Variants in CCDC93 observed in about 807,000 individuals in gnomAD.
CCDC93 encodes coiled-coil domain-containing protein 93.
In CCDC93, 61 loss-of-function variants were observed where a neutral mutation model predicts 108.2. The observed-to-expected ratio is 0.56, with a 90% confidence interval of 0.46 to 0.70. The LOEUF is 0.70. Among genes scored for constraint, CCDC93 ranks in the 30% least tolerant of loss-of-function variants. CCDC93 has a pLI of 0.00. For synonymous variants in CCDC93, 276 were observed against 260.4 expected (o/e 1.06, Z -0.58); for missense variants, 685 against 764.2 (o/e 0.90, Z 1.22).
At chr2:117,978,899 T>C (rs891696262) in intron 7 of CCDC93, among the ~76,000 whole-genome samples, 2 of 152,110 alleles carry the variant, frequency 1.3e-5, no homozygotes, top group Non-Finnish European at 2.9e-5. Flanking sequence ...TCCCAGCTAC[T>C]TGGGAGGCTG....
Position 118,008,711 on chromosome 2 carries a change from C to A in CCDC93, c.43-53G>T, listed in dbSNP as rs770430206. 5.0e-4 allele frequency: 570 copies of A among 1,143,352 alleles called. 2 individuals are homozygous for A. The highest frequency in any genetic ancestry group is 3.9e-4 in the Middle Eastern group (2 of 5,118). The allele number at this position is 1,143,352 out of a possible 1,614,324, so 70.8% of individuals were successfully genotyped here. On this transcript the variant is annotated intron_variant, in intron 1 of 23. Transcript: ENST00000376300. ...GTAAAAGATATGCTGAATAAAGGAA[C>A]ACCAGGTATATCCCCTGATGCCACA...
At chr2:117,991,700 C>G (rs539250904) in intron 6 of CCDC93, among the ~76,000 whole-genome samples, 3 of 152,324 alleles carry the variant, frequency 2.0e-5, no homozygotes, top group Non-Finnish European at 4.4e-5. Flanking sequence ...CACAGCAGCT[C>G]CACACCTATT....
chr2:117,979,809 T>A (rs751471168), intron 7 of CCDC93, among the ~76,000 whole-genome samples: 2 of 152,208 alleles, frequency 1.3e-5, no homozygotes, highest in Admixed American at 6.5e-5. Flanking sequence ...ATCTATTGCA[T>A]CTTCTAGTAC....
intron 16 of CCDC93, 26 bp downstream of exon 16, chr2:117,946,785 C>T: frequency 6.4e-7 from 1 of 1,554,672 alleles, no homozygotes; most frequent in Non-Finnish European, 8.9e-7. Context: ...ACCTGAGAGT[C>T]TCAAGGACTA....
At chr2:117,988,131 A>G (rs1460370315) in intron 6 of CCDC93, among the ~76,000 whole-genome samples, 2 of 151,062 alleles carry the variant, frequency 1.3e-5, no homozygotes, top group East Asian at 3.9e-4. Context: ...TATATATATG[A>G]TATATGTATT....
chr2:117,937,219 G>A (rs1678553208), intron 20 of CCDC93, among the ~76,000 whole-genome samples: 1 of 152,200 alleles, frequency 6.6e-6, no homozygotes, highest in African/African-American at 2.4e-5. Context: ...GCTGCTGGGT[G>A]GCTGAGTGCC....
At chr2:117,947,843 G>A (rs556102749) in intron 15 of CCDC93, among the ~76,000 whole-genome samples, 222 of 152,244 alleles carry the variant, frequency 1.5e-3, no homozygotes, top group Middle Eastern at 3.4e-3. Flanking sequence ...ACAGGCGCCA[G>A]CCACCACGCC....
At chr2:117,946,697 G>T in intron 16 of CCDC93, 114 bp downstream of exon 16, 2 of 696,596 alleles carry the variant, frequency 2.9e-6, no homozygotes, top group South Asian at 1.7e-5. Context: ...AACAGTTGAG[G>T]AATGTCTATT....
chr2:117,974,771 T>C (rs1573503999), intron 10 of CCDC93, 79 bp downstream of exon 10: 2 of 1,047,810 alleles, frequency 1.9e-6, no homozygotes, highest in Non-Finnish European at 2.9e-6. Context: ...CCGGAGAAGG[T>C]GGGCTCTCTG....
chr2:117,931,565 C>A, intron 22 of CCDC93: 1 of 159,612 alleles, frequency 6.3e-6, no homozygotes. Context: ...CACAGGACAC[C>A]CCCACAGCAA....
At chr2:117,992,736 A>G (rs928240289) in intron 6 of CCDC93, among the ~76,000 whole-genome samples, 2 of 151,936 alleles carry the variant, frequency 1.3e-5, no homozygotes, top group African/African-American at 2.4e-5. Flanking sequence ...ACAACAACAA[A>G]CTACTACTTC....
At chr2:117,947,050 CT>C in intron 15 of CCDC93, among the ~76,000 whole-genome samples, 168 bp from the exon 16 acceptor site, 1 of 152,332 alleles carries the variant, frequency 6.6e-6, no homozygotes, top group East Asian at 1.9e-4. Flanking sequence ...TGGGAAAGTT[CT>C]TTTCAGGAGG....
chr2:117,954,838 G>A (rs188483660), intron 12 of CCDC93, among the ~76,000 whole-genome samples: 2 of 152,292 alleles, frequency 1.3e-5, no homozygotes, highest in Admixed American at 1.3e-4. Context: ...GTGTTCTCGT[G>A]ATAGTGAGTT....
chr2:117,927,753 AAAC>A (rs1678172498), intron 23 of CCDC93, among the ~76,000 whole-genome samples: 1 of 152,202 alleles, frequency 6.6e-6, no homozygotes, highest in Non-Finnish European at 1.5e-5. Context: ...GAATTGGAAA[AAAC>A]TACTTTAAAG....
At chr2:117,969,372 G>A (rs951992221) in intron 11 of CCDC93, among the ~76,000 whole-genome samples, 1 of 152,200 alleles carries the variant, frequency 6.6e-6, no homozygotes, top group Non-Finnish European at 1.5e-5. Flanking sequence ...TTCCCCAGTA[G>A]AGCCTCAGAT....
intron 23 of CCDC93, among the ~76,000 whole-genome samples, chr2:117,926,633 T>A (rs1018952738): frequency 1.3e-5 from 2 of 152,128 alleles, no homozygotes; most frequent in Non-Finnish European, 2.9e-5. Flanking sequence ...ATTAATAGCT[T>A]ACCAACCAAA....
chr2:117,950,925 G>T (rs1679035004), intron 13 of CCDC93: 1 of 985,286 alleles, frequency 1.0e-6, no homozygotes, highest in Admixed American at 6.2e-5. Flanking sequence ...AACGACGACT[G>T]CAGGAATGAT....
At chr2:117,924,426 G>A (rs1558765582) in intron 23 of CCDC93, among the ~76,000 whole-genome samples, 1 of 152,176 alleles carries the variant, frequency 6.6e-6, no homozygotes, top group Non-Finnish European at 1.5e-5. Flanking sequence ...ATGCAGAGAA[G>A]TCCTTAAAGG....
intron 23 of CCDC93, among the ~76,000 whole-genome samples, chr2:117,928,638 A>G (rs1455122160): frequency 1.3e-5 from 2 of 152,222 alleles, no homozygotes; most frequent in Non-Finnish European, 2.9e-5. Context: ...GTGGAGAAAT[A>G]GGAACACTTT....
Sources: gnomAD v4.1 joint callset for allele counts (sites outside exome capture counted in the v4.1 genomes callset) on GRCh38, gnomAD v4.1.1 for gene constraint, MANE v1.5 for transcripts, NCBI Gene and HGNC (gene_info 2026-07-23, HGNC 2026-07-21) for gene names.